The following RASEF variants were observed in gnomAD, a reference collection of about 807,000 sequenced individuals.
RASEF encodes the protein ras and EF-hand domain-containing protein.
A neutral mutation model predicts 90.1 loss-of-function variants in RASEF; 68 were observed. The observed-to-expected ratio is 0.75, with a 90% CI of 0.62 to 0.92. The LOEUF is 0.92. RASEF is among the 40% of genes least tolerant of loss of function. The probability of loss-of-function intolerance (pLI) is 0.00; values close to 1 mark genes in which losing one functional copy is unlikely to be tolerated. For synonymous variants in RASEF, 331 were observed against 345.2 expected (o/e 0.96, Z 0.46); for missense variants, 949 against 937.2 (o/e 1.01, Z -0.16).
the RASEF span, among the ~76,000 whole-genome samples, chr9:83,149,927 G>A: frequency 1.3e-5 from 2 of 152,108 alleles, no homozygotes; most frequent in Non-Finnish European, 1.5e-5. Flanking sequence ...CTACCAGGAC[G>A]TCACTTCAGA....
chr9:83,037,312 A>C (rs1477626115), intron 1 of RASEF, among the ~76,000 whole-genome samples: 1 of 130,960 alleles, frequency 7.6e-6, no homozygotes, highest in Non-Finnish European at 1.6e-5. Flanking sequence ...GAGATGCTTC[A>C]AAAAAAAAAA....
intron 14 of RASEF, 70 bp downstream of exon 14, chr9:82,996,942 A>G: frequency 1.2e-6 from 1 of 864,348 alleles, no homozygotes; most frequent in African/African-American, 1.7e-5. Context: ...CAAAGAAGAG[A>G]GACAGCATTT....
At chr9:83,159,946 C>T in the RASEF span, among the ~76,000 whole-genome samples, 5 of 152,160 alleles carry the variant, frequency 3.3e-5, no homozygotes, top group Non-Finnish European at 7.4e-5. Flanking sequence ...AGTTTCCCTG[C>T]ACAAGCTCTC....
At chr9:83,023,509 T>C (rs896497717) in intron 2 of RASEF, among the ~76,000 whole-genome samples, 1 of 152,224 alleles carries the variant, frequency 6.6e-6, no homozygotes, top group African/African-American at 2.4e-5. Context: ...TATTCATGCA[T>C]TGGTTCAACT....
Position 83,000,018 on chromosome 9 carries a change from CACACACACACACACACACAT to C in RASEF, c.1723+131_1723+150del, listed in dbSNP as rs1376523458. Reference sequence around the variant, plus strand: ...ACACACACACACACACACACACACACACACACACACACACACACATTTATATATGTGTGCATACACAGAGA... The same window carrying C: ...ACACACACACACACACACACACACACTTATATATGTGTGCATACACAGAGA... On this transcript the variant is annotated intron_variant, in intron 12 of 16. Transcript: ENST00000376447. The C allele has an allele frequency of 9.8e-5, 63 of 640,200 alleles. No homozygotes were observed. In the Middle Eastern group the frequency reaches 1.0e-3, roughly 11 times the overall value. The allele number at this position is 640,200 out of a possible 1,614,324, so 39.7% of individuals were successfully genotyped here.
the RASEF span, among the ~76,000 whole-genome samples, chr9:83,190,290 T>C: frequency 3.4e-3 from 517 of 152,308 alleles, no homozygotes; most frequent in Non-Finnish European, 5.1e-3. Context: ...ACATGCTCTT[T>C]AAAATAGCAG....
At chr9:83,125,798 TAG>T in the RASEF span, among the ~76,000 whole-genome samples, 1 of 152,206 alleles carries the variant, frequency 6.6e-6, no homozygotes, top group Non-Finnish European at 1.5e-5. Flanking sequence ...CATTTTCCAC[TAG>T]AGAGTCACTG....
intron 1 of RASEF, chr9:83,048,448 A>G: frequency 1.0e-6 from 1 of 985,304 alleles, no homozygotes. Flanking sequence ...ATAGAGGGAA[A>G]CCAGCCAAGC....
At chr9:83,026,069 A>C in intron 1 of RASEF, 148 bp from the exon 2 acceptor site, 1 of 624,308 alleles carries the variant, frequency 1.6e-6, no homozygotes, top group Non-Finnish European at 2.6e-6. Context: ...GGAAGACAGC[A>C]GTCAGGAGAT....
At chr9:83,142,940 T>C in the RASEF span, among the ~76,000 whole-genome samples, 2 of 152,194 alleles carry the variant, frequency 1.3e-5, no homozygotes, top group South Asian at 4.1e-4. Context: ...GAGTTCTCTA[T>C]GATGTTATGG....
At chr9:83,202,296 A>G in the RASEF span, among the ~76,000 whole-genome samples, 1 of 152,224 alleles carries the variant, frequency 6.6e-6, no homozygotes, top group African/African-American at 2.4e-5. Context: ...AGCAGCTGCA[A>G]TGACTCAGAG....
the RASEF span, among the ~76,000 whole-genome samples, chr9:83,118,464 A>C: frequency 0.056 from 8,556 of 152,258 alleles, 371 homozygotes; most frequent in Non-Finnish European, 0.085. Context: ...AGGCATAAAT[A>C]CATATTTTTT....
At chr9:83,062,296 A>G in intron 1 of RASEF, 141 bp downstream of exon 1, 1 of 800,424 alleles carries the variant, frequency 1.2e-6, no homozygotes, top group Non-Finnish European at 2.0e-6. Flanking sequence ...GGAAAAGTCA[A>G]AGCGAGTAGG....
chr9:83,020,294 GA>G (rs1464827263), intron 3 of RASEF, among the ~76,000 whole-genome samples: 1 of 152,144 alleles, frequency 6.6e-6, no homozygotes, highest in Non-Finnish European at 1.5e-5. Context: ...TCAAGACAAA[GA>G]AAACAGCTGG....
chr9:83,158,678 GTACATA>G, the RASEF span, among the ~76,000 whole-genome samples: 286 of 145,308 alleles, frequency 2.0e-3, no homozygotes, highest in East Asian at 0.053. Context: ...ATATATTTAT[GTACATA>G]TACATATATG....
chr9:83,177,503 T>A, the RASEF span, among the ~76,000 whole-genome samples: 2 of 152,182 alleles, frequency 1.3e-5, no homozygotes, highest in African/African-American at 4.8e-5. Context: ...TTTGTTTTCA[T>A]TTTTAGAACT....
chr9:83,062,754 C>A lies in RASEF; in HGVS notation c.114G>T (p.Thr38=), dbSNP rs376300938. 11 of 1,567,174 alleles carry A rather than the reference C, an allele frequency of 7.0e-6. No homozygotes were observed. The highest frequency in any genetic ancestry group is 9.4e-6 in the Non-Finnish European group (11 of 1,165,172). Residue 38 remains threonine (T), a synonymous_variant, in exon 1 of 17, where the codon ACG becomes ACT. Coordinates refer to ENST00000376447, the MANE Select transcript of RASEF (RefSeq NM_152573.4). The stretch of plus-strand genomic sequence containing the variant: ...CGTCGGCCGGCCGCACCCGCAGCTC[C>A]GTGCACAGTGCCCGGAACTCCTCGC... ...LEREEFRALC[T]ELRVRPADAE...
the RASEF span, among the ~76,000 whole-genome samples, chr9:83,076,637 T>C: frequency 2.6e-5 from 4 of 152,182 alleles, no homozygotes; most frequent in Admixed American, 6.5e-5. Context: ...CAAACCAAAT[T>C]TTCTCAAATT....
chr9:83,140,519 C>G, the RASEF span, among the ~76,000 whole-genome samples: 2 of 152,086 alleles, frequency 1.3e-5, no homozygotes, highest in African/African-American at 2.4e-5. Context: ...TGCTTGACTT[C>G]CAGCTTATAT....
Sources: gnomAD v4.1 joint callset for allele counts (sites outside exome capture counted in the v4.1 genomes callset) on GRCh38, gnomAD v4.1.1 for gene constraint, MANE v1.5 for transcripts, NCBI Gene and HGNC (gene_info 2026-07-23, HGNC 2026-07-21) for gene names.